The following TRHDE variants were observed in gnomAD, a reference collection of about 807,000 sequenced individuals.
The protein encoded by TRHDE is thyrotropin-releasing hormone-degrading ectoenzyme.
A neutral mutation model predicts 125.7 loss-of-function variants in TRHDE; 72 were observed. The ratio of observed to expected loss-of-function variants is 0.57; its 90% CI spans 0.47 to 0.70. The LOEUF (loss-of-function observed/expected upper bound fraction) is 0.70, where lower values mean the gene tolerates loss of function less well. Among genes scored for constraint, TRHDE ranks in the 30% least tolerant of loss-of-function variants. TRHDE has a pLI of 0.00. For synonymous variants in TRHDE, 509 were observed against 509.1 expected (o/e 1.00, Z 0.00); for missense variants, 1,110 against 1,327.1 (o/e 0.84, Z 2.54).
chr12:72,408,631 A>G (rs1873365758), intron 3 of TRHDE, among the ~76,000 whole-genome samples: 1 of 152,200 alleles, frequency 6.6e-6, no homozygotes, highest in African/African-American at 2.4e-5. Context: ...GTTATAAAGT[A>G]CCATGCCAAC....
chr12:72,646,677 G>GT (rs1055194684), intron 15 of TRHDE, among the ~76,000 whole-genome samples: 11 of 152,078 alleles, frequency 7.2e-5, no homozygotes, highest in Middle Eastern at 3.4e-3. Context: ...AAGAAAGCAG[G>GT]TGTAGCTATG....
chr12:72,263,350 G>C (rs1037766644), intron 2 of TRHDE: 1 of 148,654 alleles, frequency 6.7e-6, no homozygotes, highest in African/African-American at 2.5e-5. Context: ...CTTTTTCATG[G>C]TCCCCAGGTT....
At chr12:72,553,308 C>A (rs1413853370) in intron 7 of TRHDE, among the ~76,000 whole-genome samples, 1 of 152,030 alleles carries the variant, frequency 6.6e-6, no homozygotes, top group Non-Finnish European at 1.5e-5. Flanking sequence ...TTTTGCCAAG[C>A]TACTATAATT....
At chr12:72,153,054 A>G (rs1331182695) in intron 2 of TRHDE, among the ~76,000 whole-genome samples, 2 of 152,220 alleles carry the variant, frequency 1.3e-5, no homozygotes, top group African/African-American at 4.8e-5. Context: ...TAAGCAATTA[A>G]TTATTGCCTC....
chr12:72,523,844 G>A (rs1164921177), intron 6 of TRHDE, among the ~76,000 whole-genome samples: 2 of 152,140 alleles, frequency 1.3e-5, no homozygotes, highest in Non-Finnish European at 2.9e-5. Flanking sequence ...GCTTGTTTTA[G>A]TTCCCTGGAC....
chr12:72,322,911 G>A (rs1869164639), intron 2 of TRHDE, among the ~76,000 whole-genome samples: 2 of 152,098 alleles, frequency 1.3e-5, no homozygotes, highest in Non-Finnish European at 2.9e-5. Context: ...CTAGGCTCTT[G>A]TCCTAGCTTT....
intron 6 of TRHDE, among the ~76,000 whole-genome samples, chr12:72,520,626 T>C (rs545051307): frequency 2.0e-5 from 3 of 152,320 alleles, no homozygotes; most frequent in South Asian, 4.1e-4. Flanking sequence ...CTGGGAGCTG[T>C]AGACTGGAGC....
intron 15 of TRHDE, among the ~76,000 whole-genome samples, chr12:72,642,078 G>A (rs963435488): frequency 6.6e-6 from 1 of 152,168 alleles, no homozygotes; most frequent in Non-Finnish European, 1.5e-5. Flanking sequence ...AACCTGGCAG[G>A]AGGTCCTCTC....
intron 7 of TRHDE, among the ~76,000 whole-genome samples, chr12:72,555,423 T>C (rs1418884886): frequency 6.6e-6 from 1 of 151,700 alleles, no homozygotes; most frequent in African/African-American, 2.4e-5. Flanking sequence ...TGGTTCTTAT[T>C]ATACTGGAGT....
chr12:72,144,785 A>G (rs1405292449), intron 2 of TRHDE, among the ~76,000 whole-genome samples: 4 of 152,164 alleles, frequency 2.6e-5, no homozygotes, highest in Admixed American at 6.5e-5. Context: ...TCAGAATAAC[A>G]ATGCTATTCT....
intron 3 of TRHDE, among the ~76,000 whole-genome samples, chr12:72,391,434 A>G (rs1872607085): frequency 6.6e-6 from 1 of 152,136 alleles, no homozygotes; most frequent in Non-Finnish European, 1.5e-5. Context: ...TGAGTCCCAA[A>G]TGCCATTTTT....
chr12:72,381,521 A>C (rs894347295), intron 3 of TRHDE, among the ~76,000 whole-genome samples: 1 of 147,598 alleles, frequency 6.8e-6, no homozygotes, highest in Non-Finnish European at 1.5e-5. Flanking sequence ...TCAGCCTCCC[A>C]AGTAGCTGGG....
At chr12:72,640,363 T>A (rs1390540294) in intron 15 of TRHDE, among the ~76,000 whole-genome samples, 1 of 152,226 alleles carries the variant, frequency 6.6e-6, no homozygotes, top group East Asian at 1.9e-4. Flanking sequence ...CTGCTTTGGC[T>A]CGCGCACGGT....
At chr12:72,369,547 T>A (rs1871481904) in intron 2 of TRHDE, among the ~76,000 whole-genome samples, 1 of 152,142 alleles carries the variant, frequency 6.6e-6, no homozygotes, top group African/African-American at 2.4e-5. Flanking sequence ...ATGAGAAGAA[T>A]TTTGGCATGT....
chr12:72,183,819 A>AT (rs758956489), intron 2 of TRHDE, among the ~76,000 whole-genome samples: 6 of 152,078 alleles, frequency 3.9e-5, no homozygotes, highest in East Asian at 3.9e-4. Context: ...AGTATAAAGG[A>AT]TTTTTTCAAC....
intron 3 of TRHDE, among the ~76,000 whole-genome samples, chr12:72,425,474 G>C (rs981676724): frequency 3.3e-5 from 5 of 151,956 alleles, no homozygotes; most frequent in Admixed American, 1.3e-4. Flanking sequence ...GCTCTATTTA[G>C]CTTAACAGTT....
Position 72,562,806 on chromosome 12 carries a change from G to A in TRHDE, c.1855-47G>A, listed in dbSNP as rs763991833. 10 of 1,231,710 alleles carry A rather than the reference G, an allele frequency of 8.1e-6. No individual in the cohort carries two copies. The African/African-American group carries it at 1.5e-4, about 19-fold the overall frequency. 76.3% of individuals were successfully genotyped at this position (1,231,710 alleles called of 1,614,324 possible). ...AAAATGTCTTAATGTTAATAATGTT[G>A]ATAATTCATGTTTATAAAACTAATT... is the stretch of plus-strand genomic sequence containing the variant. On this transcript the variant is annotated intron_variant, in intron 8 of 18. Transcript: ENST00000261180.
intron 2 of TRHDE, among the ~76,000 whole-genome samples, chr12:72,175,442 A>G (rs1224374439): frequency 6.6e-6 from 1 of 152,224 alleles, no homozygotes; most frequent in South Asian, 2.1e-4. Flanking sequence ...GACTGAATCT[A>G]TAAGATCAGC....
chr12:72,238,626 G>A (rs999554659), intron 2 of TRHDE, among the ~76,000 whole-genome samples: 2 of 151,338 alleles, frequency 1.3e-5, no homozygotes, highest in African/African-American at 2.4e-5. Context: ...TCCCACTTAT[G>A]AGTGAGAACA....
Sources: gnomAD v4.1 joint callset for allele counts (sites outside exome capture counted in the v4.1 genomes callset) on GRCh38, gnomAD v4.1.1 for gene constraint, MANE v1.5 for transcripts, NCBI Gene and HGNC (gene_info 2026-07-23, HGNC 2026-07-21) for gene names.